GFRA2: variants seen among roughly 807,000 people sequenced by gnomAD.
GFRA2 encodes the protein GDNF family receptor alpha 2.
A neutral mutation model predicts 48.3 loss-of-function variants in GFRA2; 17 were observed. The ratio of observed to expected loss-of-function variants is 0.35; its 90% CI spans 0.24 to 0.53. The LOEUF (loss-of-function observed/expected upper bound fraction) is 0.53. GFRA2 is among the 20% of genes least tolerant of loss of function. The pLI is 0.93. For missense variants in GFRA2, 660 were observed against 637.3 expected (o/e 1.04, Z -0.38); for synonymous variants, 305 against 257.2 (o/e 1.19, Z -1.78).
intron 3 of GFRA2, among the ~76,000 whole-genome samples, chr8:21,752,145 A>G (rs1805323457): frequency 1.3e-5 from 2 of 151,912 alleles, no homozygotes; most frequent in South Asian, 4.1e-4. Context: ...CTTCTAGACC[A>G]TTCCCATCAG....
At chr8:21,795,365 TTTTTTCTTTTTTC>T (rs1807650765) in intron 2 of GFRA2, among the ~76,000 whole-genome samples, 1 of 149,708 alleles carries the variant, frequency 6.7e-6, no homozygotes, top group Non-Finnish European at 1.5e-5. Flanking sequence ...TTTTTTTTTC[TTTTTTCTTTTTTC>T]TTTTTCTTTT....
chr8:21,791,471 C>T (rs1807573208), upstream of GFRA2, among the ~76,000 whole-genome samples: 1 of 152,160 alleles, frequency 6.6e-6, no homozygotes, highest in African/African-American at 2.4e-5. Context: ...CCTCTGCCCA[C>T]CCCAACACTC....
chr8:21,801,999 C>G (rs1268179460), intron 2 of GFRA2, among the ~76,000 whole-genome samples: 1 of 152,246 alleles, frequency 6.6e-6, no homozygotes, highest in Non-Finnish European at 1.5e-5. Context: ...GTCCGCTCCT[C>G]AGCACGCTGC....
chr8:21,738,488 G>A (rs928140795), intron 4 of GFRA2, among the ~76,000 whole-genome samples: 9 of 151,754 alleles, frequency 5.9e-5, no homozygotes, highest in Admixed American at 1.3e-4. Context: ...TGCACACAGC[G>A]GCCAAAGGGA....
intron 3 of GFRA2, among the ~76,000 whole-genome samples, chr8:21,754,514 T>C (rs961753510): frequency 6.8e-6 from 1 of 146,358 alleles, no homozygotes; most frequent in African/African-American, 2.5e-5. Flanking sequence ...TCTTTTTTTT[T>C]TTTTTTTTTT....
In GFRA2 at chr8:21,788,849, T is replaced by C; in HGVS notation, c.-690A>G. On this transcript the variant is annotated 5_prime_UTR_variant, in exon 1 of 9. Coordinates refer to ENST00000524240, the MANE Select transcript of GFRA2 (RefSeq NM_001495.5). Reference sequence around the variant, plus strand: ...TCTCTCTCTCCTCTCCCTCGCTCGCTCTTTGCTCTCGCTCTCTCCAGCTCT... The same window carrying C: ...TCTCTCTCTCCTCTCCCTCGCTCGCCCTTTGCTCTCGCTCTCTCCAGCTCT... The C allele has an allele frequency of 1.0e-6, 1 of 959,764 alleles. No individual in the cohort carries two copies. Among genetic ancestry groups the C allele is most frequent in the East Asian group, 1.2e-4 (1 of 8,676 alleles). 59.5% of individuals were successfully genotyped at this position (959,764 alleles called of 1,614,324 possible).
chr8:21,798,636 T>C (rs1807718312), intron 2 of GFRA2, among the ~76,000 whole-genome samples: 1 of 152,164 alleles, frequency 6.6e-6, no homozygotes, highest in African/African-American at 2.4e-5. Flanking sequence ...GACTATGCTT[T>C]GAAATGTAAG....
chr8:21,785,653 G>A (rs1231831196), intron 1 of GFRA2, among the ~76,000 whole-genome samples: 1 of 152,202 alleles, frequency 6.6e-6, no homozygotes, highest in Admixed American at 6.5e-5. Flanking sequence ...GTGCTAGAAA[G>A]TCAGTCGGAA....
chr8:21,694,008 G>T (rs1406549632), intron 8 of GFRA2, among the ~76,000 whole-genome samples: 1 of 140,440 alleles, frequency 7.1e-6, no homozygotes, highest in East Asian at 2.1e-4. Context: ...ATATACATGA[G>T]ATATATATAT....
At chr8:21,799,719 C>T (rs1053662405) in intron 2 of GFRA2, among the ~76,000 whole-genome samples, 1 of 152,284 alleles carries the variant, frequency 6.6e-6, no homozygotes, top group African/African-American at 2.4e-5. Context: ...ACTTGTTAGT[C>T]TGAAGAAACA....
intron 3 of GFRA2, among the ~76,000 whole-genome samples, chr8:21,761,084 T>A (rs1009580513): frequency 6.6e-6 from 1 of 152,046 alleles, no homozygotes; most frequent in Admixed American, 6.5e-5. Context: ...ATCCCAGCCC[T>A]CCCTGCAGGG....
rs189815959 is a variant in GFRA2, at chr8:21,717,961, A to G, written c.795-11920T>C. On this transcript the variant is annotated intron_variant, in intron 4 of 8. Transcript: ENST00000524240. ...CATGAGATCCAATTTCTAAAGTCAC[A>G]TTGACTGTGTTTGAACCTTGGCTCA... Among the ~76,000 whole-genome samples the G allele has an allele frequency of 5.5e-3, 836 of 152,340 alleles. 6 individuals are homozygous for G. Among genetic ancestry groups the G allele is most frequent in the Non-Finnish European group, 8.6e-3 (588 of 68,032 alleles).
At chr8:21,732,781 A>AATCC (rs1224793532) in intron 4 of GFRA2, among the ~76,000 whole-genome samples, 1 of 152,210 alleles carries the variant, frequency 6.6e-6, no homozygotes, top group Non-Finnish European at 1.5e-5. Context: ...TGTGGAGCTA[A>AATCC]ATCCACACAC....
intron 3 of GFRA2, among the ~76,000 whole-genome samples, chr8:21,756,528 G>T (rs950735198): frequency 1.3e-5 from 2 of 152,188 alleles, no homozygotes; most frequent in South Asian, 4.1e-4. Context: ...GCCAGCCACT[G>T]CCATCTGCAG....
At chr8:21,745,235 G>C (rs1016652375) in intron 4 of GFRA2, among the ~76,000 whole-genome samples, 5 of 152,240 alleles carry the variant, frequency 3.3e-5, no homozygotes, top group Non-Finnish European at 5.9e-5. Context: ...GGCTCTGGAA[G>C]AGCTTCCCCC....
At chr8:21,799,871 C>T (rs1206935688) in intron 2 of GFRA2, among the ~76,000 whole-genome samples, 2 of 152,148 alleles carry the variant, frequency 1.3e-5, no homozygotes, top group Non-Finnish European at 2.9e-5. Context: ...GCAAGGCTCT[C>T]GGGGTGGGAG....
At chr8:21,710,482 C>G (rs1233166797) in intron 4 of GFRA2, among the ~76,000 whole-genome samples, 4 of 152,124 alleles carry the variant, frequency 2.6e-5, no homozygotes, top group Admixed American at 2.6e-4. Flanking sequence ...GGCTCCCTCT[C>G]GCTCTCCTGT....
rs551202028 is a variant in GFRA2, at chr8:21,698,068, G to A, written c.1219-3551C>T. 2.0e-5 allele frequency among the ~76,000 whole-genome samples: 3 copies of A among 152,292 alleles called. No individual in the cohort carries two copies. The East Asian group carries it at 5.8e-4, about 29-fold the overall frequency. On this transcript the variant is annotated intron_variant, in intron 7 of 8. Coordinates refer to ENST00000524240, the MANE Select transcript of GFRA2 (RefSeq NM_001495.5). ...ACAGAGGGGAGAGAAGCCTGCCTGT[G>A]GGTCTAGGGAAATAGCCTGGAGCTT... is the stretch of plus-strand genomic sequence containing the variant.
At chr8:21,741,732 G>C (rs1256161138) in intron 4 of GFRA2, among the ~76,000 whole-genome samples, 2 of 152,020 alleles carry the variant, frequency 1.3e-5, no homozygotes, top group African/African-American at 2.4e-5. Context: ...GACCAGCCTG[G>C]CCAACATGGT....
Sources: gnomAD v4.1 joint callset for allele counts (sites outside exome capture counted in the v4.1 genomes callset) on GRCh38, gnomAD v4.1.1 for gene constraint, MANE v1.5 for transcripts, NCBI Gene and HGNC (gene_info 2026-07-23, HGNC 2026-07-21) for gene names.